The following CDH8 variants were observed in gnomAD, a reference collection of about 807,000 sequenced individuals.
CDH8 encodes the protein cadherin-8.
Under a neutral mutation model 68.1 loss-of-function variants are expected in CDH8, and 17 were observed. That is an observed-to-expected ratio of 0.25 (90% CI 0.17 to 0.37). The LOEUF (loss-of-function observed/expected upper bound fraction) is 0.37. Among genes scored for constraint, CDH8 ranks in the 10% least tolerant of loss-of-function variants. The pLI is 1.00. For synonymous variants in CDH8, 372 were observed against 365.1 expected, an observed-to-expected ratio of 1.02 and a Z score of -0.21; for missense variants, 763 against 999.3, an observed-to-expected ratio of 0.76 and a Z score of 3.19.
In CDH8 at chr16:61,653,079, T is replaced by G; in HGVS notation, c.*529A>C. 1 of 1,297,184 alleles carries G rather than the reference T, an allele frequency of 7.7e-7. No homozygotes were observed. The highest frequency in any genetic ancestry group is 9.8e-7 in the Non-Finnish European group (1 of 1,024,218). The allele number at this position is 1,297,184 out of a possible 1,614,324, so 80.4% of individuals were successfully genotyped here. A position where few individuals can be genotyped will look rare whatever the true frequency, so the allele number is the denominator to read the frequency against. On this transcript the variant is annotated 3_prime_UTR_variant, in exon 12 of 12. Coordinates refer to ENST00000577390, the MANE Select transcript of CDH8 (RefSeq NM_001796.5). ...TGTACAATGTGTGGTCACCGTACTGTATAATCTAGGAGGCCTCTCAAAACT... is the reference window on the plus strand; with the variant it reads ...TGTACAATGTGTGGTCACCGTACTGGATAATCTAGGAGGCCTCTCAAAACT...
chr16:61,883,486 A>G (rs1041592255), intron 3 of CDH8, among the ~76,000 whole-genome samples: 7 of 152,076 alleles, frequency 4.6e-5, no homozygotes, highest in African/African-American at 1.7e-4. Context: ...ATACTTATAT[A>G]TTAACATATA....
chr16:61,716,632 T>A (rs2142873186), intron 9 of CDH8, among the ~76,000 whole-genome samples: 1 of 151,852 alleles, frequency 6.6e-6, no homozygotes, highest in Admixed American at 6.6e-5. Flanking sequence ...AGAGGCTTTA[T>A]ATTGTCAAGC....
At chr16:61,864,293 G>A (rs557969553) in intron 3 of CDH8, among the ~76,000 whole-genome samples, 3 of 25,662 alleles carry the variant, frequency 1.2e-4, no homozygotes, top group East Asian at 8.7e-4. Context: ...CTGGATGTCC[G>A]GTTGGTTGGT....
intron 4 of CDH8, among the ~76,000 whole-genome samples, chr16:61,830,269 TGC>T (rs902511272): frequency 9.9e-5 from 15 of 151,838 alleles, no homozygotes; most frequent in Non-Finnish European, 1.9e-4. Flanking sequence ...TGGTATGAAA[TGC>T]CACCTAATAC....
chr16:62,027,171 T>C (rs1035591481), intron 1 of CDH8, among the ~76,000 whole-genome samples: 5 of 152,192 alleles, frequency 3.3e-5, no homozygotes, highest in African/African-American at 1.2e-4. Context: ...CGAAAGTCTT[T>C]AGAATTCCCC....
rs1218523841 is a variant in CDH8, at chr16:61,960,256, CAT to C, written c.253-58785_253-58784del. 2.5e-3 allele frequency among the ~76,000 whole-genome samples: 156 copies of C among 63,512 alleles called. 42 individuals carry two copies. Among genetic ancestry groups the C allele is most frequent in the East Asian group, 6.5e-3 (19 of 2,940 alleles). 41.7% of individuals were successfully genotyped at this position (63,512 alleles called of 152,430 possible). A position where few individuals can be genotyped will look rare whatever the true frequency, so the allele number is the denominator to read the frequency against. On this transcript the variant is annotated intron_variant, in intron 2 of 11. Coordinates refer to ENST00000577390, the MANE Select transcript of CDH8 (RefSeq NM_001796.5). Reference sequence around the variant, plus strand: ...ATATATACATGTGTGTGTGTATACACATACATATATACGTGTGTGTGTATACA... The same window carrying C: ...ATATATACATGTGTGTGTGTATACACACATATATACGTGTGTGTGTATACA...
chr16:61,903,953 TTA>T (rs894057073), intron 2 of CDH8, among the ~76,000 whole-genome samples: 24 of 129,688 alleles, frequency 1.9e-4, no homozygotes, highest in African/African-American at 7.2e-4. Flanking sequence ...ACAGCACTTT[TTA>T]AAAAAAAAAA....
chr16:61,987,891 A>G (rs1477524360), intron 2 of CDH8, among the ~76,000 whole-genome samples: 8 of 152,184 alleles, frequency 5.3e-5, no homozygotes, highest in Non-Finnish European at 7.3e-5. Flanking sequence ...AGTTCTCTCA[A>G]TAGCCTTATG....
intron 2 of CDH8, among the ~76,000 whole-genome samples, chr16:61,990,742 C>G (rs1312535677): frequency 6.6e-6 from 1 of 151,830 alleles, no homozygotes; most frequent in African/African-American, 2.4e-5. Flanking sequence ...GAGGATTGCT[C>G]AAGCCCAGGA....
At position 61,747,151 on chromosome 16, in the gene CDH8, T is replaced by C. The variant is rs188135115; in HGVS notation, c.1415-19936A>G. Among the ~76,000 whole-genome samples, 56 of 152,234 alleles carry C rather than the reference T, an allele frequency of 3.7e-4. No individual in the cohort carries two copies. The South Asian group carries it at 6.4e-3, about 17-fold the overall frequency. On this transcript the variant is annotated intron_variant, in intron 8 of 11. Coordinates refer to ENST00000577390, the MANE Select transcript of CDH8 (RefSeq NM_001796.5). ...AACTGAATTAGTATCCATAAAATCA[T>C]CCGTCCATCTATGCATGTTAGAAAG... is the stretch of plus-strand genomic sequence containing the variant.
chr16:61,868,527 A>G (rs898485851), intron 3 of CDH8, among the ~76,000 whole-genome samples: 1 of 152,186 alleles, frequency 6.6e-6, no homozygotes, highest in African/African-American at 2.4e-5. Context: ...AGTTGAACCC[A>G]GTCCCAACAT....
intron 1 of CDH8, among the ~76,000 whole-genome samples, chr16:62,023,074 C>T (rs911629890): frequency 2.6e-5 from 4 of 152,176 alleles, no homozygotes; most frequent in East Asian, 1.9e-4. Context: ...AGAAAATCTT[C>T]GCCTTAAAAC....
At chr16:61,740,196 C>T (rs762235330) in intron 8 of CDH8, among the ~76,000 whole-genome samples, 5 of 151,800 alleles carry the variant, frequency 3.3e-5, no homozygotes, top group Non-Finnish European at 5.9e-5. Flanking sequence ...TGAGCCACTG[C>T]GCCCGGCCAA....
intron 10 of CDH8, among the ~76,000 whole-genome samples, chr16:61,701,843 C>G (rs1476981306): frequency 6.6e-6 from 1 of 152,126 alleles, no homozygotes; most frequent in Non-Finnish European, 1.5e-5. Context: ...GTTGTCATTG[C>G]TAGTATTTTT....
intron 2 of CDH8, among the ~76,000 whole-genome samples, chr16:61,914,576 CAGA>C (rs911975658): frequency 2.0e-5 from 3 of 151,890 alleles, no homozygotes; most frequent in African/African-American, 7.3e-5. Flanking sequence ...CTCTTGTATT[CAGA>C]AGAAGATCTG....
chr16:61,708,072 A>G (rs540392519), intron 10 of CDH8, among the ~76,000 whole-genome samples: 4 of 152,314 alleles, frequency 2.6e-5, no homozygotes, highest in Admixed American at 2.6e-4. Context: ...CAAAGGAAAG[A>G]TTCTACGCAC....
chr16:61,823,796 G>T (rs1962268504), intron 5 of CDH8, among the ~76,000 whole-genome samples: 1 of 151,892 alleles, frequency 6.6e-6, no homozygotes, highest in African/African-American at 2.4e-5. Context: ...GACTCTTGCT[G>T]CAGCACTTTC....
chr16:61,777,978 G>A (rs1046462664), intron 8 of CDH8, among the ~76,000 whole-genome samples: 18 of 151,980 alleles, frequency 1.2e-4, no homozygotes, highest in Non-Finnish European at 2.5e-4. Context: ...CTCCAGCTTT[G>A]AGAACCTGCA....
intron 8 of CDH8, among the ~76,000 whole-genome samples, chr16:61,766,065 C>T (rs1265077160): frequency 6.6e-6 from 1 of 151,782 alleles, no homozygotes; most frequent in African/African-American, 2.4e-5. Context: ...GTGGTGAAGT[C>T]TAAGATTTTA....
Sources: gnomAD v4.1 joint callset for allele counts (sites outside exome capture counted in the v4.1 genomes callset) on GRCh38, gnomAD v4.1.1 for gene constraint, MANE v1.5 for transcripts, NCBI Gene and HGNC (gene_info 2026-07-23, HGNC 2026-07-21) for gene names.